The following PTPRT variants were observed in gnomAD, a reference collection of about 807,000 sequenced individuals.
PTPRT encodes the protein protein tyrosine phosphatase receptor type T, also known as receptor-type tyrosine-protein phosphatase T.
In PTPRT, 56 loss-of-function variants were observed where a neutral mutation model predicts 176.8. The ratio of observed to expected loss-of-function variants is 0.32; its 90% CI spans 0.26 to 0.40. PTPRT has a LOEUF of 0.40. Ranked by LOEUF, PTPRT falls within the 10% of genes least tolerant of loss-of-function variation. The probability of loss-of-function intolerance (pLI) is 1.00; values close to 1 mark genes in which losing one functional copy is unlikely to be tolerated. For missense variants in PTPRT, 1,540 were observed against 1,908.2 expected, an observed-to-expected ratio of 0.81 and a Z score of 3.60; for synonymous variants, 783 against 739.0, an observed-to-expected ratio of 1.06 and a Z score of -0.96.
At chr20:42,179,930 GA>G (rs1306438424) in intron 16 of PTPRT, among the ~76,000 whole-genome samples, 21 of 152,220 alleles carry the variant, frequency 1.4e-4, no homozygotes, top group African/African-American at 3.9e-4. Context: ...AGAAGATGCA[GA>G]AATCAATGCT....
chr20:42,112,277 A>T (rs1987041358), intron 22 of PTPRT, among the ~76,000 whole-genome samples: 1 of 152,136 alleles, frequency 6.6e-6, no homozygotes, highest in Admixed American at 6.5e-5. Flanking sequence ...ACTCATTGCC[A>T]CCTGCTCTGA....
At chr20:43,118,291 C>G (rs1371451371) in intron 1 of PTPRT, among the ~76,000 whole-genome samples, 2 of 152,150 alleles carry the variant, frequency 1.3e-5, no homozygotes, top group African/African-American at 4.8e-5. Context: ...GCCTAATGTT[C>G]TAGAACATTG....
At chr20:42,524,797 T>G (rs1240907529) in intron 7 of PTPRT, among the ~76,000 whole-genome samples, 3 of 152,102 alleles carry the variant, frequency 2.0e-5, no homozygotes, top group Non-Finnish European at 2.9e-5. Context: ...ATGTTTTCCT[T>G]TTTTTTCTCT....
At chr20:42,743,607 T>TA (rs2076645168) in intron 6 of PTPRT, among the ~76,000 whole-genome samples, 2 of 152,302 alleles carry the variant, frequency 1.3e-5, no homozygotes, top group Admixed American at 1.3e-4. Context: ...CCCTGAGCAA[T>TA]GGTCACTTAA....
chr20:42,572,120 G>C (rs1001290841), intron 7 of PTPRT, among the ~76,000 whole-genome samples: 6 of 152,124 alleles, frequency 3.9e-5, no homozygotes, highest in Non-Finnish European at 5.9e-5. Flanking sequence ...GTGACTTTAT[G>C]CATGCTCACA....
intron 16 of PTPRT, among the ~76,000 whole-genome samples, chr20:42,182,907 G>GGGGTGT (rs141769828): frequency 1.4e-5 from 2 of 144,606 alleles, no homozygotes; most frequent in East Asian, 4.3e-4. Flanking sequence ...TACAAGCAGG[G>GGGGTGT]GTGTGTGTGT....
At chr20:42,737,961 G>A (rs901041145) in intron 6 of PTPRT, among the ~76,000 whole-genome samples, 5 of 152,156 alleles carry the variant, frequency 3.3e-5, no homozygotes, top group African/African-American at 9.7e-5. Flanking sequence ...CCGAGGGGTA[G>A]GGAGCTGCTG....
intron 7 of PTPRT, among the ~76,000 whole-genome samples, chr20:42,571,020 A>G (rs1452821716): frequency 6.6e-6 from 1 of 152,136 alleles, no homozygotes; most frequent in African/African-American, 2.4e-5. Context: ...CCCCCCACAG[A>G]AGAAAATGGT....
intron 1 of PTPRT, among the ~76,000 whole-genome samples, chr20:43,110,781 G>C (rs2012823789): frequency 6.6e-6 from 1 of 152,176 alleles, no homozygotes; most frequent in Admixed American, 6.5e-5. Flanking sequence ...GTTTGAGTGG[G>C]GCTGGGAGCA....
chr20:42,852,756 C>CTAGT (rs2078498035), intron 2 of PTPRT, among the ~76,000 whole-genome samples: 1 of 152,128 alleles, frequency 6.6e-6, no homozygotes, highest in African/African-American at 2.4e-5. Flanking sequence ...AACATGCCTT[C>CTAGT]TAGTTAGTGA....
At chr20:42,919,546 G>A (rs143564796) in intron 1 of PTPRT, among the ~76,000 whole-genome samples, 4 of 151,470 alleles carry the variant, frequency 2.6e-5, no homozygotes, top group East Asian at 1.9e-4. Context: ...ATGTGATTCC[G>A]ACCTGGCAAG....
intron 12 of PTPRT, among the ~76,000 whole-genome samples, chr20:42,301,464 T>A (rs940858882): frequency 8.5e-5 from 13 of 152,220 alleles, no homozygotes; most frequent in African/African-American, 3.1e-4. Context: ...GGACCAGGTT[T>A]TTTTTTGTTA....
chr20:43,069,656 C>T (rs2011154906), intron 1 of PTPRT, among the ~76,000 whole-genome samples: 2 of 152,040 alleles, frequency 1.3e-5, no homozygotes, highest in Admixed American at 6.6e-5. Context: ...TGACAAGAAG[C>T]GGTGAGGTAT....
At chr20:43,134,163 A>C (rs1418152804) in intron 1 of PTPRT, among the ~76,000 whole-genome samples, 6 of 152,228 alleles carry the variant, frequency 3.9e-5, no homozygotes, top group Non-Finnish European at 8.8e-5. Context: ...AGTCTCCAAC[A>C]AATAAACACA....
At chr20:42,222,567 G>A (rs930747692) in intron 15 of PTPRT, among the ~76,000 whole-genome samples, 1 of 152,118 alleles carries the variant, frequency 6.6e-6, no homozygotes, top group African/African-American at 2.4e-5. Context: ...ATACCCAGGG[G>A]GAGGAATGCT....
intron 6 of PTPRT, among the ~76,000 whole-genome samples, chr20:42,725,515 G>C (rs1324501505): frequency 6.6e-6 from 1 of 151,902 alleles, no homozygotes; most frequent in South Asian, 2.1e-4. Flanking sequence ...AGAAGGGAAG[G>C]GTGGCCAAGG....
intron 8 of PTPRT, among the ~76,000 whole-genome samples, chr20:42,468,798 G>A (rs2071143554): frequency 6.6e-6 from 1 of 152,164 alleles, no homozygotes. Context: ...TTCATCTCCT[G>A]AGTCCTGAAT....
chr20:42,703,869 G>A (rs185156018), intron 6 of PTPRT, among the ~76,000 whole-genome samples: 22 of 151,658 alleles, frequency 1.5e-4, no homozygotes, highest in African/African-American at 3.4e-4. Context: ...CCTGTCATCC[G>A]GGGTTTGGTC....
At chr20:42,967,000 G>C (rs954480192) in intron 1 of PTPRT, among the ~76,000 whole-genome samples, 7 of 152,182 alleles carry the variant, frequency 4.6e-5, no homozygotes, top group Non-Finnish European at 1.0e-4. Context: ...AGAGGCATTT[G>C]GTCTGGTATT....
Sources: gnomAD v4.1 joint callset for allele counts (sites outside exome capture counted in the v4.1 genomes callset) on GRCh38, gnomAD v4.1.1 for gene constraint, MANE v1.5 for transcripts, NCBI Gene and HGNC (gene_info 2026-07-23, HGNC 2026-07-21) for gene names.